The following SUPT3H variants were observed in gnomAD, a reference collection of about 807,000 sequenced individuals.
The protein encoded by SUPT3H is transcription initiation protein SPT3 homolog.
In SUPT3H, 44 loss-of-function variants were observed where a neutral mutation model predicts 44.3. The observed-to-expected ratio is 0.99, with a 90% confidence interval of 0.78 to 1.28. The LOEUF is 1.28. Ranked by LOEUF, SUPT3H falls within the 50% of genes most tolerant of loss-of-function variation. The pLI is 0.00. For synonymous variants in SUPT3H, 124 were observed against 125.6 expected (o/e 0.99, Z 0.09); for missense variants, 380 against 387.1 (o/e 0.98, Z 0.15).
intron 2 of SUPT3H, among the ~76,000 whole-genome samples, chr6:45,152,915 T>C (rs545894033): frequency 9.1e-4 from 139 of 152,316 alleles, no homozygotes; most frequent in African/African-American, 3.2e-3. Context: ...TCTGGCTTCT[T>C]TGCCCTCATC....
At chr6:45,059,181 A>G (rs551293557) in intron 3 of SUPT3H, among the ~76,000 whole-genome samples, 30 of 152,242 alleles carry the variant, frequency 2.0e-4, no homozygotes, top group African/African-American at 6.5e-4. Flanking sequence ...TGGTGCAAAA[A>G]TCCTCAATAA....
intron 2 of SUPT3H, among the ~76,000 whole-genome samples, chr6:45,318,247 T>C (rs1183095401): frequency 6.6e-6 from 1 of 152,064 alleles, no homozygotes; most frequent in African/African-American, 2.4e-5. Context: ...AAATAGTTAT[T>C]AACAGGGATT....
chr6:44,975,520 A>G lies in SUPT3H; in HGVS notation c.505-13692T>C, dbSNP rs1429865172. 2.0e-5 allele frequency among the ~76,000 whole-genome samples: 3 copies of G among 152,198 alleles called. No homozygotes were observed. In the East Asian group the frequency reaches 5.8e-4, roughly 29 times the overall value. ...TCTTATGTTCTCACTTATAAGTAAG[A>G]ACTAAGCTATGAAGATGCAAAGGCA... is the stretch of plus-strand genomic sequence containing the variant. On this transcript the variant is annotated intron_variant, in intron 6 of 10. Transcript: ENST00000371459.
At chr6:45,294,806 C>A (rs1174995230) in intron 2 of SUPT3H, among the ~76,000 whole-genome samples, 1 of 122,516 alleles carries the variant, frequency 8.2e-6, no homozygotes, top group Non-Finnish European at 1.7e-5. Flanking sequence ...AAGACCTCTA[C>A]AAGGGAAACT....
chr6:45,090,140 T>A lies in SUPT3H; in HGVS notation c.186+15782A>T, dbSNP rs561371412. Among the ~76,000 whole-genome samples, 14 of 152,214 alleles carry A rather than the reference T, an allele frequency of 9.2e-5. No individual in the cohort carries two copies. In the South Asian group the frequency reaches 2.9e-3, roughly 32 times the overall value. On this transcript the variant is annotated intron_variant, in intron 3 of 10. Coordinates refer to ENST00000371459, the MANE Select transcript of SUPT3H (RefSeq NM_003599.4). ...TGACATTTTAAAATAGGCATTCCATTCCTGACAACATCATTCACATCCATT... is the reference window on the plus strand; with the variant it reads ...TGACATTTTAAAATAGGCATTCCATACCTGACAACATCATTCACATCCATT...
At chr6:45,014,256 T>A (rs2153513689) in intron 5 of SUPT3H, among the ~76,000 whole-genome samples, 1 of 152,186 alleles carries the variant, frequency 6.6e-6, no homozygotes, top group South Asian at 2.1e-4. Context: ...GACATCAAAC[T>A]AATATGATGG....
At chr6:44,924,419 T>G (rs1769214324) in intron 10 of SUPT3H, among the ~76,000 whole-genome samples, 1 of 152,140 alleles carries the variant, frequency 6.6e-6, no homozygotes, top group Non-Finnish European at 1.5e-5. Flanking sequence ...GAGTGGATCT[T>G]CCTTACACAA....
chr6:44,885,856 T>A (rs1762180548), intron 10 of SUPT3H, among the ~76,000 whole-genome samples: 1 of 152,034 alleles, frequency 6.6e-6, no homozygotes, highest in South Asian at 2.1e-4. Context: ...GCAAAGAAGG[T>A]GAAAACTTTG....
intron 2 of SUPT3H, among the ~76,000 whole-genome samples, chr6:45,249,311 C>T (rs944317534): frequency 1.3e-5 from 2 of 152,062 alleles, no homozygotes; most frequent in South Asian, 2.1e-4. Context: ...AAACTGTAAG[C>T]AAACATTACA....
At chr6:44,816,027 G>C (rs868585713) in intron 11 of SUPT3H, among the ~76,000 whole-genome samples, 2 of 152,120 alleles carry the variant, frequency 1.3e-5, no homozygotes, top group Middle Eastern at 3.4e-3. Context: ...ATCATACAAA[G>C]TATGTATTAT....
At chr6:44,876,864 A>C (rs536614017) in intron 10 of SUPT3H, among the ~76,000 whole-genome samples, 4 of 151,266 alleles carry the variant, frequency 2.6e-5, no homozygotes, top group African/African-American at 9.7e-5. Flanking sequence ...AAAGAAAAAA[A>C]AAGTGTATGA....
At chr6:44,960,868 A>C (rs910244227) in intron 7 of SUPT3H, among the ~76,000 whole-genome samples, 3 of 152,202 alleles carry the variant, frequency 2.0e-5, no homozygotes, top group African/African-American at 7.2e-5. Flanking sequence ...TACATGGGAT[A>C]CTATGCAATG....
At chr6:45,344,461 T>C (rs1288766989) in intron 2 of SUPT3H, among the ~76,000 whole-genome samples, 1 of 152,002 alleles carries the variant, frequency 6.6e-6, no homozygotes, top group Non-Finnish European at 1.5e-5. Flanking sequence ...CATGTCCAAA[T>C]GAGCAGTGCC....
At position 44,864,936 on chromosome 6, in the gene SUPT3H, G is replaced by A. The variant is rs145867569; in HGVS notation, c.913-35079C>T. ...ATATAATGGGATCTTCTTTTATATC[G>A]CATTGTCAGGCTGCAAACTTTTATG... On this transcript the variant is annotated intron_variant, in intron 10 of 10. Transcript: ENST00000371459. Among the ~76,000 whole-genome samples the A allele has an allele frequency of 6.5e-3, 994 of 152,150 alleles. 13 individuals are homozygous for A. Among genetic ancestry groups the A allele is most frequent in the African/African-American group, 0.023 (937 of 41,488 alleles).
intron 3 of SUPT3H, among the ~76,000 whole-genome samples, chr6:45,059,266 T>G (rs1283971017): frequency 6.6e-6 from 1 of 152,178 alleles, no homozygotes; most frequent in Non-Finnish European, 1.5e-5. Context: ...ATCCTTGGGA[T>G]GCAAGGTTGG....
At chr6:45,304,346 G>C (rs1782660797) in intron 2 of SUPT3H, among the ~76,000 whole-genome samples, 1 of 152,094 alleles carries the variant, frequency 6.6e-6, no homozygotes, top group Admixed American at 6.5e-5. Flanking sequence ...TTTAGCAGAG[G>C]AATGTTACTT....
Position 44,841,748 on chromosome 6 carries a change from G to C in SUPT3H, c.913-11891C>G, listed in dbSNP as rs145353074. On this transcript the variant is annotated intron_variant, in intron 10 of 10. Transcript: ENST00000371459. ...GCAGATGTCCCATTGTAAGCATAAGGCTCTTGGGGAACTCAGGTTTGGAAA... is the reference window on the plus strand; with the variant it reads ...GCAGATGTCCCATTGTAAGCATAAGCCTCTTGGGGAACTCAGGTTTGGAAA... Among the ~76,000 whole-genome samples, 493 of 152,254 alleles carry C rather than the reference G, an allele frequency of 3.2e-3. 8 individuals carry two copies. Among genetic ancestry groups the C allele is most frequent in the African/African-American group, 0.011 (457 of 41,552 alleles).
chr6:45,118,422 C>A (rs948504058), intron 2 of SUPT3H, among the ~76,000 whole-genome samples: 7 of 151,856 alleles, frequency 4.6e-5, no homozygotes, highest in Non-Finnish European at 1.0e-4. Context: ...TAATTAAGAC[C>A]CTAGCTTAGA....
chr6:45,181,397 C>G (rs1037495456), intron 2 of SUPT3H, among the ~76,000 whole-genome samples: 1 of 151,906 alleles, frequency 6.6e-6, no homozygotes, highest in African/African-American at 2.4e-5. Flanking sequence ...AATCATGCTG[C>G]TATAAAGACA....
Sources: allele counts gnomAD v4.1 joint callset (sites outside exome capture counted in the v4.1 genomes callset), GRCh38; gene constraint gnomAD v4.1.1; transcripts MANE v1.5; gene names NCBI Gene and HGNC (gene_info 2026-07-23, HGNC 2026-07-21).